The following FAR1 variants were observed in gnomAD, a reference collection of about 807,000 sequenced individuals.
FAR1 encodes the protein male sterility domain-containing protein 2.
Under a neutral mutation model 61.1 loss-of-function variants are expected in FAR1, and 22 were observed. The ratio of observed to expected loss-of-function variants is 0.36; its 90% confidence interval spans 0.26 to 0.51. The LOEUF is 0.51. Ranked by LOEUF, FAR1 falls within the 20% of genes least tolerant of loss-of-function variation. The probability of loss-of-function intolerance (pLI) is 0.95; values close to 1 mark genes in which losing one functional copy is unlikely to be tolerated. For synonymous variants in FAR1, 206 were observed against 209.7 expected (o/e 0.98, Z 0.15); for missense variants, 359 against 626.9 (o/e 0.57, Z 4.56).
intron 2 of FAR1, among the ~76,000 whole-genome samples, chr11:13,698,236 C>A (rs1403516113): frequency 6.6e-6 from 1 of 152,172 alleles, no homozygotes; most frequent in Non-Finnish European, 1.5e-5. Flanking sequence ...TGAATTTATT[C>A]ACTTAACAAA....
chr11:13,676,461 T>G (rs571408592), intron 1 of FAR1, among the ~76,000 whole-genome samples: 1 of 152,172 alleles, frequency 6.6e-6, no homozygotes, highest in Admixed American at 6.5e-5. Context: ...AAGGATCTGC[T>G]AAAGTATTTT....
intron 1 of FAR1, among the ~76,000 whole-genome samples, chr11:13,677,538 T>C (rs1848080034): frequency 6.6e-6 from 1 of 152,208 alleles, no homozygotes; most frequent in Non-Finnish European, 1.5e-5. Flanking sequence ...GGAAGGATCA[T>C]TGACATCCAG....
chr11:13,696,261 A>G (rs1001785492), intron 2 of FAR1, among the ~76,000 whole-genome samples: 1 of 152,062 alleles, frequency 6.6e-6, no homozygotes, highest in African/African-American at 2.4e-5. Context: ...TTTTTAGATA[A>G]TATTTATTGT....
At chr11:13,697,650 G>A (rs749715610) in intron 2 of FAR1, among the ~76,000 whole-genome samples, 5 of 152,132 alleles carry the variant, frequency 3.3e-5, no homozygotes, top group African/African-American at 4.8e-5. Context: ...TCACATTTAA[G>A]ATCTAGCAAG....
intron 7 of FAR1, among the ~76,000 whole-genome samples, chr11:13,712,374 C>T (rs1848509483): frequency 6.6e-6 from 1 of 151,602 alleles, no homozygotes; most frequent in South Asian, 2.1e-4. Context: ...CTGAAATTCA[C>T]AGAATATGGT....
rs141624098 is a variant in FAR1, at chr11:13,726,639, G to A, written c.1258-917G>A. Among the ~76,000 whole-genome samples, 773 of 151,750 alleles carry A rather than the reference G, an allele frequency of 5.1e-3. 10 individuals are homozygous for A. Among genetic ancestry groups the A allele is most frequent in the African/African-American group, 0.018 (732 of 41,412 alleles). Reference sequence around the variant, plus strand: ...GTGGGGGCAGGGATGGGGGCAGTGGGAGTTGTATTTGTGTTTTGAATTGGT... The same window carrying A: ...GTGGGGGCAGGGATGGGGGCAGTGGAAGTTGTATTTGTGTTTTGAATTGGT... On this transcript the variant is annotated intron_variant, in intron 10 of 11. Coordinates refer to ENST00000354817, the MANE Select transcript of FAR1 (RefSeq NM_032228.6).
intron 3 of FAR1, among the ~76,000 whole-genome samples, chr11:13,700,979 A>G (rs551031310): frequency 6.6e-6 from 1 of 152,086 alleles, no homozygotes; most frequent in Non-Finnish European, 1.5e-5. Flanking sequence ...TGTTGGACAT[A>G]AATTTAATTT....
chr11:13,714,087 T>C (rs1565350058), intron 8 of FAR1, among the ~76,000 whole-genome samples: 2 of 152,148 alleles, frequency 1.3e-5, no homozygotes, highest in Admixed American at 1.3e-4. Context: ...AGCCTGTTAA[T>C]GTATGTTAAT....
intron 1 of FAR1, among the ~76,000 whole-genome samples, chr11:13,679,225 T>C (rs1848099714): frequency 6.6e-6 from 1 of 152,138 alleles, no homozygotes; most frequent in Non-Finnish European, 1.5e-5. Flanking sequence ...GTGTTTCACT[T>C]CTCTGAGTCT....
At chr11:13,676,938 A>AT (rs756661252) in intron 1 of FAR1, among the ~76,000 whole-genome samples, 2 of 152,226 alleles carry the variant, frequency 1.3e-5, no homozygotes, top group Non-Finnish European at 2.9e-5. Flanking sequence ...ACAATCAGTG[A>AT]TCTGGCCTCT....
intron 2 of FAR1, among the ~76,000 whole-genome samples, chr11:13,696,532 A>C (rs1226917695): frequency 6.6e-6 from 1 of 152,212 alleles, no homozygotes; most frequent in African/African-American, 2.4e-5. Flanking sequence ...TAAGCCTAAG[A>C]GAAGGAGTAT....
At chr11:13,726,883 G>A (rs1848672325) in intron 10 of FAR1, among the ~76,000 whole-genome samples, 1 of 151,574 alleles carries the variant, frequency 6.6e-6, no homozygotes, top group Non-Finnish European at 1.5e-5. Flanking sequence ...CCTAGAATTG[G>A]CTATTTTTAG....
chr11:13,670,303 T>G (rs1240068024), intron 1 of FAR1, among the ~76,000 whole-genome samples: 1 of 150,212 alleles, frequency 6.7e-6, no homozygotes, highest in African/African-American at 2.5e-5. Context: ...TTTTATAAAT[T>G]TGTGTGTGTG....
intron 4 of FAR1, among the ~76,000 whole-genome samples, chr11:13,708,434 T>TGTGC (rs1555063887): frequency 7.4e-6 from 1 of 134,382 alleles, no homozygotes; most frequent in Non-Finnish European, 1.6e-5. Flanking sequence ...CATATACATG[T>TGTGC]GCGCGCGCGC....
chr11:13,727,558 C>T lies in FAR1; in HGVS notation c.1260C>T (p.Thr420=). The T allele has an allele frequency of 6.3e-7, 1 of 1,597,242 alleles. No homozygotes were observed. The highest frequency in any genetic ancestry group is 8.5e-7 in the Non-Finnish European group (1 of 1,172,486). Residue 420 remains threonine, a splice_region_variant and synonymous_variant, in exon 11 of 12, where the codon ACC becomes ACT. Coordinates refer to ENST00000354817, the MANE Select transcript of FAR1 (RefSeq NM_032228.6). ...CAGTAATTTTTTTGTTAACGTAGAC[C>T]TTCAATATTGATGTACGGCAGTTAC... is the stretch of plus-strand genomic sequence containing the variant. The part of the protein sequence containing the change: ...MNQLNPEDKK[T]FNIDVRQLHW...
At chr11:13,702,809 A>G (rs1158388226) in intron 3 of FAR1, among the ~76,000 whole-genome samples, 1 of 152,122 alleles carries the variant, frequency 6.6e-6, no homozygotes, top group Non-Finnish European at 1.5e-5. Flanking sequence ...TTAGGGTAAA[A>G]CTCATAAAGG....
chr11:13,676,889 T>C (rs1848074246), intron 1 of FAR1, among the ~76,000 whole-genome samples: 2 of 152,194 alleles, frequency 1.3e-5, no homozygotes, highest in Admixed American at 1.3e-4. Context: ...CAATACATAG[T>C]AGTAAAAATA....
chr11:13,711,952 A>G lies in FAR1; in HGVS notation c.793A>G (p.Ile265Val), dbSNP rs1389170532. ...GGCAGGGAAAGGAATTCTTCGAACA[A>G]TACGTGCCTCCAACAATGCCCTTGC... is the stretch of plus-strand genomic sequence containing the variant. Reference protein sequence around the residue: ...IAAGKGILRTIRASNNALADL... With the variant: ...IAAGKGILRTVRASNNALADL... The change falls in exon 7 of 12, where the codon ATA becomes GTA. Residue 265 changes from isoleucine to valine, a missense_variant. Around this residue, in one of 2 missense-constraint regions of FAR1, gnomAD observed 344 missense variants for 570.3 expected, o/e 0.60. Transcript: ENST00000354817. The G allele has an allele frequency of 3.1e-6, 5 of 1,613,322 alleles. No individual in the cohort carries two copies. The highest frequency in any genetic ancestry group is 1.3e-5 in the African/African-American group (1 of 74,888).
intron 10 of FAR1, among the ~76,000 whole-genome samples, chr11:13,725,769 G>C (rs1848662265): frequency 1.3e-5 from 2 of 152,080 alleles, no homozygotes; most frequent in African/African-American, 4.8e-5. Flanking sequence ...ATAGTTAGTT[G>C]TAAGCAGCAT....
Sources: allele counts gnomAD v4.1 joint callset (sites outside exome capture counted in the v4.1 genomes callset), GRCh38; gene constraint gnomAD v4.1.1; regional missense constraint gnomAD v4.1.1; transcripts MANE v1.5; gene names NCBI Gene and HGNC (gene_info 2026-07-23, HGNC 2026-07-21).